Variants in CD180 observed in about 807,000 individuals in gnomAD.
CD180 encodes CD180 molecule.
CD180 carries 11 observed loss-of-function variants against 10.7 expected under a neutral mutation model. The observed-to-expected ratio is 1.03, with a 90% confidence interval of 0.65 to 1.70. The LOEUF (loss-of-function observed/expected upper bound fraction) is 1.70, where lower values mean the gene tolerates loss of function less well. CD180 is among the 40% of genes most tolerant of loss of function. CD180 has a pLI of 0.00. For missense variants in CD180, 729 were observed against 775.2 expected (o/e 0.94, Z 0.71); for synonymous variants, 286 against 294.6 (o/e 0.97, Z 0.30).
chr5:67,187,858 G>A (rs1278909702), intron 1 of CD180, among the ~76,000 whole-genome samples: 1 of 152,110 alleles, frequency 6.6e-6, no homozygotes, highest in African/African-American at 2.4e-5. Context: ...ACTCATGAAT[G>A]AATTAATACT....
rs1055153999 is a variant in CD180 at position 67,196,670 on chromosome 5, C to T, written c.-29G>A. The stretch of plus-strand genomic sequence containing the variant: ...AGGCTAGGATTGCTTGGTGGGTTTA[C>T]CTAATGCTTGGAGCTGAGAAATGGA... On this transcript the variant is annotated 5_prime_UTR_variant, in exon 1 of 3. Coordinates refer to ENST00000256447, the MANE Select transcript of CD180 (RefSeq NM_005582.3). 3.7e-6 allele frequency: 6 copies of T among 1,613,506 alleles called. No individual in the cohort carries two copies. The highest frequency in any genetic ancestry group is 3.3e-5 in the Admixed American group (2 of 59,936).
At chr5:67,193,799 T>C (rs998061708) in intron 1 of CD180, among the ~76,000 whole-genome samples, 1 of 152,204 alleles carries the variant, frequency 6.6e-6, no homozygotes, top group Non-Finnish European at 1.5e-5. Flanking sequence ...GCCAAAGGAC[T>C]AGGGGGCCTC....
At chr5:67,191,061 C>T in intron 1 of CD180, 1 of 985,414 alleles carries the variant, frequency 1.0e-6, no homozygotes, top group Non-Finnish European at 1.2e-6. Flanking sequence ...AGCAAGTCGA[C>T]TGAGCCAAAT....
In CD180 at chr5:67,179,986, A is replaced by C. The variant is rs1271642414; in HGVS notation, c.*2871T>G. The C allele has an allele frequency of 6.6e-6, 1 of 152,252 alleles. No homozygotes were observed. The highest frequency in any genetic ancestry group is 1.5e-5 in the Non-Finnish European group (1 of 68,042). 9.4% of individuals were successfully genotyped at this position (152,252 alleles called of 1,614,324 possible). A position where few individuals can be genotyped will look rare whatever the true frequency, so the allele number is the denominator to read the frequency against. Reference sequence around the variant, plus strand: ...CAACATGCAATACATAAAACCAATAAACACACCATGTTACAGAGTCTATCC... The same window carrying C: ...CAACATGCAATACATAAAACCAATACACACACCATGTTACAGAGTCTATCC... On this transcript the variant is annotated 3_prime_UTR_variant, in exon 3 of 3. Transcript: ENST00000256447.
rs1413473586 is a variant in CD180 at position 67,183,300 on chromosome 5, C to T, written c.1543G>A (p.Ala515Thr). The T allele has an allele frequency of 6.2e-7, 1 of 1,614,044 alleles. No individual in the cohort carries two copies. The highest frequency in any genetic ancestry group is 1.3e-5 in the African/African-American group (1 of 74,916). The change falls in exon 3 of 3, where the codon GCA becomes ACA. Residue 515 changes from alanine (A) to threonine (T), a missense_variant. Coordinates refer to ENST00000256447, the MANE Select transcript of CD180 (RefSeq NM_005582.3). ...CTCATTTTTCCCAAGCTGTGGAATG[C>T]TTGCTGGTCTATAGAGAGGAGACCA... is the stretch of plus-strand genomic sequence containing the variant. The part of the protein sequence containing the change: ...SCGLLSIDQQ[A>T]FHSLGKMSHV...
At chr5:67,191,016 C>A in intron 1 of CD180, 1 of 985,404 alleles carries the variant, frequency 1.0e-6, no homozygotes, top group Non-Finnish European at 1.2e-6. Context: ...TGACCTCCAA[C>A]GCTTCCTCAT....
chr5:67,183,244 T>C lies in CD180; in HGVS notation c.1599A>G (p.Thr533=), dbSNP rs375250611. 6 of 1,614,154 alleles carry C rather than the reference T, an allele frequency of 3.7e-6. No homozygotes were observed. Among genetic ancestry groups the C allele is most frequent in the Non-Finnish European group, 5.1e-6 (6 of 1,180,004 alleles). ...SHVDLSHNSL[T]CDSIDSLSHL... ...GGCTAAGAGAATCAATGCTGTCGCATGTCAGGCTGTTGTGGCTTAAGTCTA... is the reference window on the plus strand; with the variant it reads ...GGCTAAGAGAATCAATGCTGTCGCACGTCAGGCTGTTGTGGCTTAAGTCTA... Residue 533 remains threonine, a synonymous_variant, in exon 3 of 3, where the codon ACA becomes ACG. Transcript: ENST00000256447.
At chr5:67,186,876 A>AAGAG (rs554168576) in intron 1 of CD180, among the ~76,000 whole-genome samples, 5,373 of 125,990 alleles carry the variant, frequency 0.043, 93 homozygotes, top group African/African-American at 0.058. Context: ...GTGTGTGTGA[A>AAGAG]AGAGAGAGAG....
intron 1 of CD180, among the ~76,000 whole-genome samples, chr5:67,193,417 A>C (rs1444915077): frequency 1.3e-5 from 2 of 152,206 alleles, no homozygotes; most frequent in Non-Finnish European, 2.9e-5. Flanking sequence ...AGCAGCCTGG[A>C]AAGTTCCAGA....
At chr5:67,195,990 T>G (rs975133543) in intron 1 of CD180, among the ~76,000 whole-genome samples, 3 of 152,198 alleles carry the variant, frequency 2.0e-5, no homozygotes, top group Non-Finnish European at 1.5e-5. Flanking sequence ...TTGATAAATA[T>G]TGCTATGGTC....
At chr5:67,184,817 G>T (rs1010065641) in intron 2 of CD180, among the ~76,000 whole-genome samples, 1 of 151,914 alleles carries the variant, frequency 6.6e-6, no homozygotes, top group South Asian at 2.1e-4. Context: ...AACCCTCAGA[G>T]GTTTGTGCCT....
Position 67,184,341 on chromosome 5 carries a change from T to TG in CD180, c.501dup (p.Lys168GlnfsTer16), listed in dbSNP as rs779093720. On this transcript the variant is annotated frameshift_variant, in exon 3 of 3. Coordinates refer to ENST00000256447, the MANE Select transcript of CD180 (RefSeq NM_005582.3). LOFTEE classifies it low-confidence loss of function (END_TRUNC). ...TTCAGATTCCGTGCTGGGAAGTCTTTGGGGAACTTAATGGAGGAAATATGG... is the reference window on the plus strand; with the variant it reads ...TTCAGATTCCGTGCTGGGAAGTCTTTGGGGGAACTTAATGGAGGAAATATGG... The TG allele has an allele frequency of 2.5e-6, 4 of 1,614,074 alleles. No individual in the cohort carries two copies. The highest frequency in any genetic ancestry group is 2.7e-5 in the African/African-American group (2 of 74,926).
rs1355271391 is a variant in CD180, at chr5:67,184,287, G to A, written c.556C>T (p.His186Tyr). 3 of 1,614,110 alleles carry A rather than the reference G, an allele frequency of 1.9e-6. No homozygotes were observed. The highest frequency in any genetic ancestry group is 1.7e-5 in the Admixed American group (1 of 60,026). ...KVLDFQNNAI[H>Y]YISREDMRSL... ...CTCATGTCTTCTCTAGAGATGTAGT[G>A]TATAGCATTATTCTGAAAATCCAGT... Residue 186 changes from histidine to tyrosine, a missense_variant, in exon 3 of 3, where the codon CAC becomes TAC. By Grantham distance (83) the His-to-Tyr change is moderately conservative (BLOSUM62 2). Coordinates refer to ENST00000256447, the MANE Select transcript of CD180 (RefSeq NM_005582.3).
In CD180 at chr5:67,191,025, A is replaced by G. The variant is rs951537298; in HGVS notation, c.91-5008T>C. The G allele has an allele frequency of 5.1e-5, 50 of 985,256 alleles. No homozygotes were observed. The African/African-American group carries it at 8.4e-4, about 16-fold the overall frequency. The allele number at this position is 985,256 out of a possible 1,614,324, so 61.0% of individuals were successfully genotyped here. On this transcript the variant is annotated intron_variant, in intron 1 of 2. Transcript: ENST00000256447. ...GGACACTGACCTCCAACGCTTCCTCATTAAGCATGCCTCCATCCAAGATAG... is the reference window on the plus strand; with the variant it reads ...GGACACTGACCTCCAACGCTTCCTCGTTAAGCATGCCTCCATCCAAGATAG...
Position 67,184,383 on chromosome 5 carries a change from A to G in CD180, c.460T>C (p.Leu154=). Residue 154 remains leucine, a synonymous_variant, in exon 3 of 3, where the codon TTG becomes CTG. Coordinates refer to ENST00000256447, the MANE Select transcript of CD180 (RefSeq NM_005582.3). ...PVHNLENLES[L]YLGSNHISSI... ...GAAATATGGTTGCTTCCAAGATACA[A>G]GCTTTCCAAGTTTTCCAGATTGTGC... The G allele has an allele frequency of 6.2e-7, 1 of 1,613,784 alleles. No individual in the cohort carries two copies. Among genetic ancestry groups the G allele is most frequent in the Non-Finnish European group, 8.5e-7 (1 of 1,179,670 alleles).
In CD180 at chr5:67,184,605, T is replaced by G; in HGVS notation, c.258-20A>C. The stretch of plus-strand genomic sequence containing the variant: ...TGGCACCTTGAAAAGATAATCGTAT[T>G]TAACAATAATTCATTTGAAAAAAGT... On this transcript the variant is annotated intron_variant, in intron 2 of 2. Coordinates refer to ENST00000256447, the MANE Select transcript of CD180 (RefSeq NM_005582.3). The G allele has an allele frequency of 1.3e-6, 2 of 1,557,370 alleles. No individual in the cohort carries two copies. Among genetic ancestry groups the G allele is most frequent in the Non-Finnish European group, 1.7e-6 (2 of 1,147,126 alleles).
At chr5:67,190,283 T>A (rs752636678) in intron 1 of CD180, among the ~76,000 whole-genome samples, 1 of 152,178 alleles carries the variant, frequency 6.6e-6, no homozygotes, top group African/African-American at 2.4e-5. Flanking sequence ...TGAGTTCTGA[T>A]AGCCAGGGTT....
At chr5:67,187,523 A>G (rs756032024) in intron 1 of CD180, among the ~76,000 whole-genome samples, 11 of 152,218 alleles carry the variant, frequency 7.2e-5, no homozygotes, top group Non-Finnish European at 1.3e-4. Flanking sequence ...CCTGCCAATC[A>G]TGTCCTAATA....
Position 67,181,270 on chromosome 5 carries a change from T to G in CD180, c.*1587A>C, listed in dbSNP as rs1742043853. On this transcript the variant is annotated 3_prime_UTR_variant, in exon 3 of 3. Coordinates refer to ENST00000256447, the MANE Select transcript of CD180 (RefSeq NM_005582.3). ...TAGAGGTTGCTTTGGATTAGCTAGG[T>G]CAGAGAAGAAATCCCTCAAAGGAGA... 1 of 152,238 alleles carries G rather than the reference T, an allele frequency of 6.6e-6. No homozygotes were observed. The highest frequency in any genetic ancestry group is 2.1e-4 in the South Asian group (1 of 4,816). The allele number at this position is 152,238 out of a possible 1,614,324, so 9.4% of individuals were successfully genotyped here. A position where few individuals can be genotyped will look rare whatever the true frequency, so the allele number is the denominator to read the frequency against.
Sources: gnomAD v4.1 joint callset for allele counts (sites outside exome capture counted in the v4.1 genomes callset) on GRCh38, gnomAD v4.1.1 for gene constraint, MANE v1.5 for transcripts, NCBI Gene and HGNC (gene_info 2026-07-23, HGNC 2026-07-21) for gene names.